CHD3: variants seen among roughly 807,000 people sequenced by gnomAD.
CHD3 encodes chromodomain helicase DNA binding protein 3, also known as ATP-dependent chromatin remodeler CHD3.
In CHD3, 52 loss-of-function variants were observed where a neutral mutation model predicts 248.9. That is an observed-to-expected ratio of 0.21 (90% CI 0.17 to 0.26). CHD3 has a LOEUF of 0.26. Ranked by LOEUF, CHD3 falls within the 10% of genes least tolerant of loss-of-function variation. The pLI is 1.00. For missense variants in CHD3, 1,482 were observed against 2,605.8 expected, an observed-to-expected ratio of 0.57 and a Z score of 9.39; for synonymous variants, 985 against 985.2, an observed-to-expected ratio of 1.00 and a Z score of 0.00.
intron 20 of CHD3, among the ~76,000 whole-genome samples, chr17:7,902,354 G>A (rs562618883): frequency 2.8e-4 from 42 of 151,994 alleles, no homozygotes; most frequent in Non-Finnish European, 5.3e-4. Context: ...CCCAGGAGTG[G>A]AGGTTGCAGT....
At position 7,906,232 on chromosome 17, in the gene CHD3, C is replaced by T; in HGVS notation, c.4358+243C>T. ...GGGGAGGGGCGTTGAAGCAAGGAGCCTCTCCTGGGCTGTCCTAGCCTCACA... is the reference window on the plus strand; with the variant it reads ...GGGGAGGGGCGTTGAAGCAAGGAGCTTCTCCTGGGCTGTCCTAGCCTCACA... On this transcript the variant is annotated intron_variant, in intron 28 of 39. Transcript: ENST00000330494. This position sits in a 1 kb window ranked among gnomAD's most constrained non-coding sequence, Gnocchi z 5.0. 1 of 758,164 alleles carries T rather than the reference C, an allele frequency of 1.3e-6. No individual in the cohort carries two copies. The highest frequency in any genetic ancestry group is 2.4e-6 in the Non-Finnish European group (1 of 418,524). The allele number at this position is 758,164 out of a possible 1,614,324, so 47.0% of individuals were successfully genotyped here.
chr17:7,909,457 T>C lies in CHD3; in HGVS notation c.5590+119T>C. On this transcript the variant is annotated intron_variant, in intron 37 of 39. Transcript: ENST00000330494. The surrounding 1 kb of genome is among the most constrained non-coding windows in gnomAD (Gnocchi z 8.1). ...CTCTACCTGCTGAACCATCCCCCTC[T>C]GACCTCTAACCCCACTCCTACCGAC... 1 of 1,363,390 alleles carries C rather than the reference T, an allele frequency of 7.3e-7. No individual in the cohort carries two copies. Among genetic ancestry groups the C allele is most frequent in the Non-Finnish European group, 9.6e-7 (1 of 1,041,396 alleles). The allele number at this position is 1,363,390 out of a possible 1,614,324, so 84.5% of individuals were successfully genotyped here.
Position 7,894,096 on chromosome 17 carries a change from G to T in CHD3, c.925-19G>T. The T allele has an allele frequency of 1.9e-6, 3 of 1,605,220 alleles. No individual in the cohort carries two copies. Among genetic ancestry groups the T allele is most frequent in the Non-Finnish European group, 2.6e-6 (3 of 1,174,602 alleles). On this transcript the variant is annotated intron_variant, in intron 6 of 39. Transcript: ENST00000330494. Reference sequence around the variant, plus strand: ...TAGAATGAAGTCTGCCTCACTGACGGCCACGGGGCTATGGGCAGTATGTTT... The same window carrying T: ...TAGAATGAAGTCTGCCTCACTGACGTCCACGGGGCTATGGGCAGTATGTTT...
upstream of CHD3, chr17:7,884,935 T>G: frequency 2.2e-6 from 3 of 1,348,590 alleles, no homozygotes; most frequent in Non-Finnish European, 2.9e-6. Flanking sequence ...ACGAGGACGA[T>G]GAGGAGGACG....
chr17:7,903,107 T>A lies in CHD3; in HGVS notation c.3495+46T>A, dbSNP rs779799071. The A allele has an allele frequency of 1.9e-6, 3 of 1,598,050 alleles. No individual in the cohort carries two copies. In the African/African-American group the frequency reaches 4.0e-5, roughly 21 times the overall value. ...ACCCCTGCACCATTTAGCAAGGAGA[T>A]GTGGGTTCATGGAGGAGGGTGTCAT... is the stretch of plus-strand genomic sequence containing the variant. On this transcript the variant is annotated intron_variant, in intron 22 of 39. Transcript: ENST00000330494. The surrounding 1 kb of genome is among the most constrained non-coding windows in gnomAD (Gnocchi z 6.8).
At position 7,905,538 on chromosome 17, in the gene CHD3, A is replaced by G. The variant is rs796191267; in HGVS notation, c.4139-83A>G. The G allele has an allele frequency of 9.8e-7, 1 of 1,024,360 alleles. No individual in the cohort carries two copies. Among genetic ancestry groups the G allele is most frequent in the African/African-American group, 1.6e-5 (1 of 61,482 alleles). The allele number at this position is 1,024,360 out of a possible 1,614,324, so 63.5% of individuals were successfully genotyped here. ...TGACAGGAATGTTCCTGTGTTGTGT[A>G]TCTTGTGGGAATGGGGTGCTAAGGA... On this transcript the variant is annotated intron_variant, in intron 26 of 39. Transcript: ENST00000330494. This position sits in a 1 kb window ranked among gnomAD's most constrained non-coding sequence, Gnocchi z 5.8.
chr17:7,902,918 T>C lies in CHD3; in HGVS notation c.3371-19T>C, dbSNP rs1970486229. 1 of 1,613,688 alleles carries C rather than the reference T, an allele frequency of 6.2e-7. No individual in the cohort carries two copies. Among genetic ancestry groups the C allele is most frequent in the Admixed American group, 1.7e-5 (1 of 59,976 alleles). ...ACTACCGGGTACAAGAAAAACCTGATCCAACTCTCACCTCCTAGCTCCTGG... is the reference window on the plus strand; with the variant it reads ...ACTACCGGGTACAAGAAAAACCTGACCCAACTCTCACCTCCTAGCTCCTGG... On this transcript the variant is annotated intron_variant, in intron 21 of 39. Coordinates refer to ENST00000330494, the MANE Select transcript of CHD3 (RefSeq NM_001005273.3).
At chr17:7,884,934 A>C (rs1416173589), upstream of CHD3, 12 of 1,327,316 alleles carry the variant, frequency 9.0e-6, no homozygotes, top group Non-Finnish European at 1.1e-5. Context: ...GACGAGGACG[A>C]TGAGGAGGAC....
chr17:7,885,446 C>G (rs1446794833), upstream of CHD3, among the ~76,000 whole-genome samples: 4 of 150,964 alleles, frequency 2.6e-5, no homozygotes, highest in Non-Finnish European at 5.9e-5. Context: ...TTTTTACCCT[C>G]GGCGGGGAGG....
chr17:7,893,111 C>A (rs1038667116), intron 4 of CHD3, among the ~76,000 whole-genome samples, 175 bp from the exon 5 acceptor site: 3 of 151,986 alleles, frequency 2.0e-5, no homozygotes, highest in Non-Finnish European at 4.4e-5. Context: ...TGTTCTTTCC[C>A]CGCTTTTTTT....
At position 7,903,833 on chromosome 17, in the gene CHD3, A is replaced by G; in HGVS notation, c.3736A>G (p.Lys1246Glu). 1 of 1,614,112 alleles carries G rather than the reference A, an allele frequency of 6.2e-7. No individual in the cohort carries two copies. Among genetic ancestry groups the G allele is most frequent in the Non-Finnish European group, 8.5e-7 (1 of 1,179,992 alleles). The change falls in exon 24 of 40, where the codon AAG becomes GAG. Residue 1246 changes from lysine (K) to glutamate (E), a missense_variant. Physicochemically the swap from Lys to Glu is moderately conservative, Grantham distance 56. Transcript: ENST00000330494. This position sits in a 1 kb window ranked among gnomAD's most constrained non-coding sequence, Gnocchi z 6.8. ...LFKDENEGEN[K>E]EEDSSVIHYD... is the part of the protein sequence containing the mutation. Reference sequence around the variant, plus strand: ...GTTTTCCCTCTCACCAGGGGAGAACAAGGAGGAGGACAGCAGTGTGATTCA... The same window carrying G: ...GTTTTCCCTCTCACCAGGGGAGAACGAGGAGGAGGACAGCAGTGTGATTCA...
At chr17:7,885,078 C>T (rs528374121), upstream of CHD3, 9 of 986,694 alleles carry the variant, frequency 9.1e-6, no homozygotes, top group Middle Eastern at 5.2e-4. Flanking sequence ...CCGCCCCCGC[C>T]GCCAGGTAAG....
rs1188512432 is a variant in CHD3 at position 7,902,648 on chromosome 17, C to T, written c.3291C>T (p.Asp1097=). 6.2e-7 allele frequency: 1 copy of T among 1,613,964 alleles called. No individual in the cohort carries two copies. The highest frequency in any genetic ancestry group is 1.1e-5 in the South Asian group (1 of 91,080). ...TAGACTTGCTTGAGGACTTCTTAGA[C>T]TATGAAGGCTACAAGTATGAGCGCA... is the stretch of plus-strand genomic sequence containing the variant. ...KMLDLLEDFL[D]YEGYKYERID... is the part of the protein sequence containing the mutation. The change falls in exon 21 of 40, where the codon GAC becomes GAT. Residue 1097 remains aspartate (D), a synonymous_variant. Transcript: ENST00000330494.
At position 7,903,454 on chromosome 17, in the gene CHD3, C is replaced by T. The variant is rs762026574; in HGVS notation, c.3678C>T (p.Asp1226=). ...KAGSMSKQEL[D]DILKFGTEEL... ...GCTCCATGTCCAAGCAGGAGCTTGA[C>T]GACATTCTCAAATTTGGCACTGAAG... is the stretch of plus-strand genomic sequence containing the variant. The change falls in exon 23 of 40, where the codon GAC becomes GAT. Residue 1226 remains aspartate (D), a synonymous_variant. Transcript: ENST00000330494. The surrounding 1 kb of genome is among the most constrained non-coding windows in gnomAD (Gnocchi z 6.8). 2.5e-5 allele frequency: 41 copies of T among 1,613,996 alleles called. 2 individuals carry two copies. Among genetic ancestry groups the T allele is most frequent in the South Asian group, 1.6e-4 (15 of 91,086 alleles).
In CHD3 at chr17:7,899,378, A is replaced by C; in HGVS notation, c.2379A>C (p.Pro793=). ...AAGGTCCCTTCCTGGTGAGTGCCCC[A>C]CTCTCTACCATCATTAACTGGGAGC... ...HTKGPFLVSA[P]LSTIINWERE... is the part of the protein sequence containing the mutation. The change falls in exon 15 of 40, where the codon CCA becomes CCC. Residue 793 remains proline (P), a synonymous_variant. Coordinates refer to ENST00000330494, the MANE Select transcript of CHD3 (RefSeq NM_001005273.3). This position sits in a 1 kb window ranked among gnomAD's most constrained non-coding sequence, Gnocchi z 6.8. 1 of 1,613,774 alleles carries C rather than the reference A, an allele frequency of 6.2e-7. No homozygotes were observed. The highest frequency in any genetic ancestry group is 2.2e-5 in the East Asian group (1 of 44,858).
Position 7,894,282 on chromosome 17 carries a change from G to C in CHD3, c.1075+17G>C. On this transcript the variant is annotated intron_variant, in intron 7 of 39. Coordinates refer to ENST00000330494, the MANE Select transcript of CHD3 (RefSeq NM_001005273.3). ...AGAAGAAGGGTAAGGAGTGTTGACTGTGTGTGATCCTGTCAGTGGGCCGTC... is the reference window on the plus strand; with the variant it reads ...AGAAGAAGGGTAAGGAGTGTTGACTCTGTGTGATCCTGTCAGTGGGCCGTC... The C allele has an allele frequency of 6.2e-7, 1 of 1,611,428 alleles. No homozygotes were observed. The highest frequency in any genetic ancestry group is 8.5e-7 in the Non-Finnish European group (1 of 1,178,314).
At chr17:7,888,262 G>T (rs551069521), upstream of CHD3, among the ~76,000 whole-genome samples, 1 of 152,232 alleles carries the variant, frequency 6.6e-6, no homozygotes, top group Non-Finnish European at 1.5e-5. Flanking sequence ...GAGTTAGCAG[G>T]AAAGGTGGCA....
In CHD3 at chr17:7,900,280, C is replaced by T; in HGVS notation, c.2683-10C>T. On this transcript the variant is annotated splice_polypyrimidine_tract_variant and intron_variant, in intron 16 of 39. Transcript: ENST00000330494. The surrounding 1 kb of genome is among the most constrained non-coding windows in gnomAD (Gnocchi z 6.5). ...CCCATTTTCCTGCCTTGCCTTGCCCCATCTTTTAGTTTTTCAGGGTTCTCA... is the reference window on the plus strand; with the variant it reads ...CCCATTTTCCTGCCTTGCCTTGCCCTATCTTTTAGTTTTTCAGGGTTCTCA... 1 of 1,614,048 alleles carries T rather than the reference C, an allele frequency of 6.2e-7. No homozygotes were observed. The highest frequency in any genetic ancestry group is 8.5e-7 in the Non-Finnish European group (1 of 1,180,010).
At chr17:7,902,151 TG>T (rs1970392953) in intron 20 of CHD3, among the ~76,000 whole-genome samples, 1 of 151,894 alleles carries the variant, frequency 6.6e-6, no homozygotes, top group South Asian at 2.1e-4. Context: ...CCAGACGTGG[TG>T]GCTCACACCT....
Sources: allele counts gnomAD v4.1 joint callset (sites outside exome capture counted in the v4.1 genomes callset), GRCh38; gene constraint gnomAD v4.1.1; non-coding constraint Gnocchi (gnomAD v3.1); transcripts MANE v1.5; gene names NCBI Gene and HGNC (gene_info 2026-07-23, HGNC 2026-07-21).